LRRC7: variants seen among roughly 807,000 people sequenced by gnomAD.
The protein encoded by LRRC7 is leucine rich repeat containing 7.
A neutral mutation model predicts 175.7 loss-of-function variants in LRRC7; 23 were observed. The observed-to-expected ratio is 0.13, with a 90% CI of 0.09 to 0.19. The LOEUF (loss-of-function observed/expected upper bound fraction) is 0.19, where lower values mean the gene tolerates loss of function less well. Ranked by LOEUF, LRRC7 falls within the 10% of genes least tolerant of loss-of-function variation. The probability of loss-of-function intolerance (pLI) is 1.00; values close to 1 mark genes in which losing one functional copy is unlikely to be tolerated. For missense variants in LRRC7, 1,354 were observed against 1,904.7 expected, an observed-to-expected ratio of 0.71 and a Z score of 5.38; for synonymous variants, 685 against 680.9, an observed-to-expected ratio of 1.01 and a Z score of -0.09.
chr1:69,774,496 G>A (rs375978840), intron 3 of LRRC7, among the ~76,000 whole-genome samples: 16 of 152,130 alleles, frequency 1.1e-4, no homozygotes, highest in African/African-American at 3.9e-4. Flanking sequence ...AAACTGTACT[G>A]TATATGAAAT....
At chr1:69,641,935 A>G (rs1654275598) in intron 1 of LRRC7, among the ~76,000 whole-genome samples, 2 of 151,830 alleles carry the variant, frequency 1.3e-5, no homozygotes, top group South Asian at 2.1e-4. Flanking sequence ...AAAAGTTTTA[A>G]GTTGAATAAA....
chr1:69,723,181 A>G (rs1475197129), intron 2 of LRRC7, among the ~76,000 whole-genome samples: 1 of 152,080 alleles, frequency 6.6e-6, no homozygotes, highest in African/African-American at 2.4e-5. Context: ...CTGTCTTCCT[A>G]AATTATTTAA....
intron 8 of LRRC7, among the ~76,000 whole-genome samples, chr1:69,950,977 G>T (rs1649850783): frequency 6.6e-6 from 1 of 151,810 alleles, no homozygotes; most frequent in East Asian, 1.9e-4. Flanking sequence ...GAACACACAG[G>T]TGGAAATGTC....
At chr1:70,112,707 G>A (rs893872927) in intron 26 of LRRC7, among the ~76,000 whole-genome samples, 11 of 152,238 alleles carry the variant, frequency 7.2e-5, no homozygotes, top group African/African-American at 2.2e-4. Context: ...AGGGTGCACT[G>A]GGGATCATGG....
intron 3 of LRRC7, among the ~76,000 whole-genome samples, chr1:69,781,717 AAGAAAGAAAGAAAGAAAGAGAGAGAGAG>A (rs1335831882): frequency 6.2e-5 from 2 of 32,454 alleles, no homozygotes; most frequent in Admixed American, 3.4e-4. Context: ...GAAAGAAAGA[AAGAAAGAAAGAAAGAAAGAGAGAGAGAG>A]AGAGAGAGAG....
intron 2 of LRRC7, among the ~76,000 whole-genome samples, chr1:69,725,087 T>A (rs920718349): frequency 6.6e-6 from 1 of 152,208 alleles, no homozygotes; most frequent in South Asian, 2.1e-4. Context: ...GTTTTATATA[T>A]ATATGTATAT....
rs572062222 is a variant in LRRC7 at position 70,066,060 on chromosome 1, A to G, written c.4231-10017A>G. ...AGTGCAGTTTCTAAAGCAAGTTGTT[A>G]CTGATTGATTACAACAGGTTTAAAA... On this transcript the variant is annotated intron_variant, in intron 23 of 26. Transcript: ENST00000651989. Among the ~76,000 whole-genome samples the G allele has an allele frequency of 7.9e-5, 12 of 152,132 alleles. No individual in the cohort carries two copies. The South Asian group carries it at 2.5e-3, about 32-fold the overall frequency.
At chr1:69,746,559 A>G (rs1376076206) in intron 2 of LRRC7, among the ~76,000 whole-genome samples, 1 of 152,144 alleles carries the variant, frequency 6.6e-6, no homozygotes, top group East Asian at 1.9e-4. Context: ...AACAAAATTT[A>G]TATATTTGCT....
chr1:70,048,005 A>G (rs1371457214), intron 22 of LRRC7, among the ~76,000 whole-genome samples: 1 of 151,882 alleles, frequency 6.6e-6, no homozygotes, highest in African/African-American at 2.4e-5. Flanking sequence ...TTATTCATCT[A>G]TCATTTATTT....
chr1:69,981,874 C>T (rs1225323314), intron 9 of LRRC7, among the ~76,000 whole-genome samples: 4 of 152,274 alleles, frequency 2.6e-5, no homozygotes, highest in Middle Eastern at 3.4e-3. Context: ...TGAATCCCTA[C>T]AACAATCCTA....
chr1:70,028,461 A>C, intron 18 of LRRC7, 90 bp downstream of exon 18: 2 of 1,127,258 alleles, frequency 1.8e-6, no homozygotes, highest in South Asian at 3.2e-5. Context: ...TTCCTTGATA[A>C]GTGCATTTTT....
intron 2 of LRRC7, among the ~76,000 whole-genome samples, chr1:69,681,093 CAAAG>C (rs1660429888): frequency 6.6e-6 from 1 of 151,496 alleles, no homozygotes; most frequent in Non-Finnish European, 1.5e-5. Context: ...TAATGCATGG[CAAAG>C]AAGAGGTTCT....
chr1:69,850,085 C>T (rs555930455), intron 7 of LRRC7, among the ~76,000 whole-genome samples: 1 of 151,574 alleles, frequency 6.6e-6, no homozygotes, highest in African/African-American at 2.4e-5. Flanking sequence ...GTTTTTTTGT[C>T]GTTGTTTTTT....
intron 2 of LRRC7, among the ~76,000 whole-genome samples, chr1:69,724,960 A>G (rs914700227): frequency 1.3e-5 from 2 of 152,264 alleles, no homozygotes; most frequent in African/African-American, 2.4e-5. Context: ...CTTGAACAAC[A>G]TAAGGGTTTG....
intron 1 of LRRC7, among the ~76,000 whole-genome samples, chr1:69,647,524 C>T (rs1410457694): frequency 1.3e-5 from 2 of 152,074 alleles, no homozygotes; most frequent in Non-Finnish European, 2.9e-5. Flanking sequence ...TAGTAACTTT[C>T]AAGAATTTAT....
chr1:69,779,766 A>G lies in LRRC7; in HGVS notation c.304-12277A>G, dbSNP rs534417780. 1.9e-4 allele frequency among the ~76,000 whole-genome samples: 29 copies of G among 152,356 alleles called. No individual in the cohort carries two copies. The South Asian group carries it at 6.0e-3, about 32-fold the overall frequency. On this transcript the variant is annotated intron_variant, in intron 3 of 26. Transcript: ENST00000651989. ...TAGTCACAATCTTTCTGCAGGAAAT[A>G]AAAGAGCTCTTCTCTGCAGCACATT...
chr1:70,074,054 T>G lies in LRRC7; in HGVS notation c.4231-2023T>G, dbSNP rs115098973. Reference sequence around the variant, plus strand: ...TGTCTCTACTAAAGATACAAATAATTAGCTGGGCATGGTGATGCAGGCCTG... The same window carrying G: ...TGTCTCTACTAAAGATACAAATAATGAGCTGGGCATGGTGATGCAGGCCTG... On this transcript the variant is annotated intron_variant, in intron 23 of 26. Transcript: ENST00000651989. Among the ~76,000 whole-genome samples the G allele has an allele frequency of 9.6e-3, 1,465 of 152,110 alleles. 32 individuals carry two copies. Among genetic ancestry groups the G allele is most frequent in the African/African-American group, 0.034 (1,396 of 41,478 alleles).
intron 8 of LRRC7, among the ~76,000 whole-genome samples, chr1:69,953,672 A>C (rs1203221672): frequency 1.3e-5 from 2 of 152,012 alleles, no homozygotes; most frequent in Non-Finnish European, 2.9e-5. Flanking sequence ...ATATATCTGT[A>C]TTGGGATTAA....
At chr1:69,673,032 C>A (rs1301321038) in intron 1 of LRRC7, among the ~76,000 whole-genome samples, 1 of 152,198 alleles carries the variant, frequency 6.6e-6, no homozygotes, top group Admixed American at 6.5e-5. Context: ...ACTTTATCAC[C>A]TGAATGAATT....
Sources: allele counts gnomAD v4.1 joint callset (sites outside exome capture counted in the v4.1 genomes callset), GRCh38; gene constraint gnomAD v4.1.1; transcripts MANE v1.5; gene names NCBI Gene and HGNC (gene_info 2026-07-23, HGNC 2026-07-21).